Variants in SOX6 observed in about 807,000 individuals in gnomAD.
SOX6 encodes the protein transcription factor SOX-6.
SOX6 carries 11 observed loss-of-function variants against 97.8 expected under a neutral mutation model. That is an observed-to-expected ratio of 0.11 (90% CI 0.07 to 0.19). The LOEUF (loss-of-function observed/expected upper bound fraction) is 0.19. Among genes scored for constraint, SOX6 ranks in the 10% least tolerant of loss-of-function variants. The pLI is 1.00. For missense variants in SOX6, 810 were observed against 1,039.5 expected (o/e 0.78, Z 3.04); for synonymous variants, 360 against 371.4 (o/e 0.97, Z 0.35).
intron 4 of SOX6, among the ~76,000 whole-genome samples, chr11:16,549,746 G>C (rs139097395): frequency 6.6e-6 from 1 of 152,126 alleles, no homozygotes; most frequent in East Asian, 1.9e-4. Context: ...CCATATATTG[G>C]AATCTACTCA....
intron 4 of SOX6, among the ~76,000 whole-genome samples, chr11:16,584,426 T>C (rs1432546960): frequency 2.0e-5 from 3 of 152,158 alleles, no homozygotes; most frequent in Admixed American, 6.5e-5. Context: ...CATCTTGACA[T>C]TGTTGCCTGC....
At chr11:16,151,274 T>C (rs1195630778) in intron 6 of SOX6, among the ~76,000 whole-genome samples, 1 of 152,088 alleles carries the variant, frequency 6.6e-6, no homozygotes, top group Non-Finnish European at 1.5e-5. Context: ...GGATGAAAAT[T>C]TGCCTCTCAG....
intron 6 of SOX6, among the ~76,000 whole-genome samples, chr11:16,146,773 C>T (rs1401346001): frequency 1.3e-5 from 2 of 152,162 alleles, no homozygotes; most frequent in African/African-American, 2.4e-5. Flanking sequence ...CACTGGCCAT[C>T]AGAGAAATGC....
intron 4 of SOX6, among the ~76,000 whole-genome samples, chr11:16,511,738 A>AT (rs2133151830): frequency 6.6e-6 from 1 of 152,312 alleles, no homozygotes; most frequent in African/African-American, 2.4e-5. Context: ...AAATAAGACT[A>AT]TTAAGCTACT....
intron 3 of SOX6, among the ~76,000 whole-genome samples, chr11:16,614,253 A>C (rs905710341): frequency 3.3e-5 from 5 of 152,140 alleles, no homozygotes; most frequent in African/African-American, 9.7e-5. Context: ...ACCTCGGCTC[A>C]GAGCTGACTC....
At chr11:16,327,402 T>C (rs1037008688) in intron 2 of SOX6, among the ~76,000 whole-genome samples, 1 of 152,146 alleles carries the variant, frequency 6.6e-6, no homozygotes, top group Admixed American at 6.5e-5. Context: ...TGGCACCTTT[T>C]AAGTTTTTAT....
intron 1 of SOX6, among the ~76,000 whole-genome samples, chr11:16,373,645 A>G (rs77378634): frequency 0.013 from 1,936 of 152,098 alleles, 42 homozygotes; most frequent in African/African-American, 0.044. Context: ...TCAATTTTTT[A>G]TTGCAAAAGT....
chr11:16,042,077 T>C (rs530709849), intron 12 of SOX6, among the ~76,000 whole-genome samples: 1 of 152,282 alleles, frequency 6.6e-6, no homozygotes, highest in African/African-American at 2.4e-5. Flanking sequence ...AAAACATCCC[T>C]TCAAGAAAAT....
intron 10 of SOX6, among the ~76,000 whole-genome samples, chr11:16,050,543 A>G (rs1300486985): frequency 6.6e-6 from 1 of 152,162 alleles, no homozygotes; most frequent in African/African-American, 2.4e-5. Flanking sequence ...ATTTTTGCAA[A>G]GACCAAGGAT....
intron 4 of SOX6, among the ~76,000 whole-genome samples, chr11:16,502,184 C>T (rs2133144035): frequency 6.6e-6 from 1 of 152,100 alleles, no homozygotes; most frequent in East Asian, 1.9e-4. Context: ...AGGCTGGAAA[C>T]CATCATTCTC....
chr11:16,572,949 C>T (rs1314303418), intron 4 of SOX6, among the ~76,000 whole-genome samples: 3 of 152,170 alleles, frequency 2.0e-5, no homozygotes, highest in Admixed American at 6.5e-5. Context: ...CTTTAAACCA[C>T]TCTTATTCTG....
intron 1 of SOX6, among the ~76,000 whole-genome samples, chr11:16,412,545 G>A (rs1486307549): frequency 6.6e-6 from 1 of 152,144 alleles, no homozygotes; most frequent in African/African-American, 2.4e-5. Context: ...GGCTAAGGCA[G>A]GAGGGTCACT....
At chr11:16,225,951 T>G (rs1297144282) in intron 4 of SOX6, among the ~76,000 whole-genome samples, 1 of 152,208 alleles carries the variant, frequency 6.6e-6, no homozygotes, top group Non-Finnish European at 1.5e-5. Flanking sequence ...CTTCTTTTAG[T>G]AAAACCCTAA....
At chr11:16,464,747 C>T (rs533147803) in intron 1 of SOX6, among the ~76,000 whole-genome samples, 84 of 152,138 alleles carry the variant, frequency 5.5e-4, no homozygotes, top group African/African-American at 2.0e-3. Flanking sequence ...TATTTTCATA[C>T]ACATCTATAT....
intron 11 of SOX6, among the ~76,000 whole-genome samples, chr11:16,047,019 C>T (rs1855854987): frequency 1.3e-5 from 2 of 152,058 alleles, no homozygotes; most frequent in Non-Finnish European, 2.9e-5. Context: ...CCTGTATGTA[C>T]AACTGGTGCA....
Position 15,970,049 on chromosome 11 carries a change from A to C in SOX6, c.*2760T>G, listed in dbSNP as rs1163096122. 1 of 152,262 alleles carries C rather than the reference A, an allele frequency of 6.6e-6. No individual in the cohort carries two copies. The highest frequency in any genetic ancestry group is 1.5e-5 in the Non-Finnish European group (1 of 68,038). The allele number at this position is 152,262 out of a possible 1,614,324, so 9.4% of individuals were successfully genotyped here. A position where few individuals can be genotyped will look rare whatever the true frequency, so the allele number is the denominator to read the frequency against. ...ACATGTATTTTGCATAAATAAATGA[A>C]ATAACAAGACATAAAAATGACTCAA... is the stretch of plus-strand genomic sequence containing the variant. On this transcript the variant is annotated 3_prime_UTR_variant, in exon 16 of 16. Transcript: ENST00000683767.
At chr11:16,503,225 T>C (rs2133145072) in intron 4 of SOX6, among the ~76,000 whole-genome samples, 1 of 150,974 alleles carries the variant, frequency 6.6e-6, no homozygotes, top group Middle Eastern at 3.5e-3. Flanking sequence ...GTTCTACCCC[T>C]GGAAGTGATA....
chr11:16,412,613 A>C (rs770292824), intron 1 of SOX6, among the ~76,000 whole-genome samples: 7 of 152,194 alleles, frequency 4.6e-5, no homozygotes, highest in Non-Finnish European at 7.3e-5. Context: ...CATCTCTAAC[A>C]AATAAAAAAG....
intron 6 of SOX6, among the ~76,000 whole-genome samples, chr11:16,149,652 A>G (rs1039450689): frequency 6.6e-6 from 1 of 152,198 alleles, no homozygotes; most frequent in Admixed American, 6.6e-5. Context: ...AAAATTAGCT[A>G]TAGAATACTT....
Sources: allele counts gnomAD v4.1 joint callset (sites outside exome capture counted in the v4.1 genomes callset), GRCh38; gene constraint gnomAD v4.1.1; transcripts MANE v1.5; gene names NCBI Gene and HGNC (gene_info 2026-07-23, HGNC 2026-07-21).